Variants in JADE1 observed in about 807,000 individuals in gnomAD.
JADE1 encodes jade family PHD finger 1, also known as protein Jade-1.
In JADE1, 14 loss-of-function variants were observed where a neutral mutation model predicts 81.8. The ratio of observed to expected loss-of-function variants is 0.17; its 90% CI spans 0.11 to 0.27. JADE1 has a LOEUF of 0.27. Among genes scored for constraint, JADE1 ranks in the 10% least tolerant of loss-of-function variants. JADE1 has a pLI of 1.00. For missense variants in JADE1, 690 were observed against 1,047.9 expected, an observed-to-expected ratio of 0.66 and a Z score of 4.71; for synonymous variants, 353 against 391.9, an observed-to-expected ratio of 0.90 and a Z score of 1.17.
rs113154795 is a variant in JADE1, at chr4:128,861,698, T to C, written c.982-6T>C. ...TATTCTCATGTTCTTTGTGTGTTCT[T>C]GACAGTGCTCTGTGAAGAACTGCCG... On this transcript the variant is annotated splice_polypyrimidine_tract_variant and splice_region_variant and intron_variant, in intron 8 of 10. Coordinates refer to ENST00000226319, the MANE Select transcript of JADE1 (RefSeq NM_199320.4). 2.4e-3 allele frequency: 3,825 copies of C among 1,613,668 alleles called. 98 individuals are homozygous for C. In the Admixed American group the frequency reaches 0.035, roughly 15 times the overall value.
chr4:128,849,021 A>T lies in JADE1; in HGVS notation c.338A>T (p.Lys113Met). The change falls in exon 5 of 11, where the codon AAG becomes ATG. Residue 113 changes from lysine (K) to methionine (M), a missense_variant. Lys to Met is a moderately conservative substitution (Grantham distance 95). Around this residue, in one of 8 missense-constraint regions of JADE1, gnomAD observed 98 missense variants for 161.3 expected, o/e 0.61. Coordinates refer to ENST00000226319, the MANE Select transcript of JADE1 (RefSeq NM_199320.4). ...AAATCCCTCATGTTCATCAGGCCCA[A>T]GAAGTACATCGTGTCATCAGGCTCT... ...EEKSLMFIRP[K>M]KYIVSSGSEP... The T allele has an allele frequency of 1.2e-6, 2 of 1,614,100 alleles. No homozygotes were observed. Among genetic ancestry groups the T allele is most frequent in the Non-Finnish European group, 1.7e-6 (2 of 1,179,998 alleles).
intron 1 of JADE1, among the ~76,000 whole-genome samples, chr4:128,818,858 A>T (rs931901394): frequency 6.6e-6 from 1 of 152,032 alleles, no homozygotes; most frequent in Admixed American, 6.6e-5. Flanking sequence ...TGATTGGTTG[A>T]TTGATTGATT....
chr4:128,815,392 G>T (rs767889386), intron 1 of JADE1, among the ~76,000 whole-genome samples: 45 of 152,190 alleles, frequency 3.0e-4, no homozygotes, highest in Non-Finnish European at 8.8e-5. Context: ...GAGCCACCGT[G>T]CCCGGCAATC....
chr4:128,821,794 T>A (rs951342268), intron 1 of JADE1, among the ~76,000 whole-genome samples: 1 of 152,222 alleles, frequency 6.6e-6, no homozygotes, highest in Non-Finnish European at 1.5e-5. Flanking sequence ...AGTGCTGGGA[T>A]TACAGGCATG....
At chr4:128,812,808 G>A (rs1560716198) in intron 1 of JADE1, among the ~76,000 whole-genome samples, 1 of 152,390 alleles carries the variant, frequency 6.6e-6, no homozygotes, top group East Asian at 1.9e-4. Context: ...GGGGCGAGGG[G>A]CTGTCGCCCT....
intron 2 of JADE1, 45 bp from the exon 3 acceptor site, chr4:128,842,908 C>T (rs770923152): frequency 6.5e-7 from 1 of 1,545,362 alleles, no homozygotes; most frequent in Admixed American, 1.7e-5. Flanking sequence ...ACTCAGTGAC[C>T]CCTGCAATTT....
intron 1 of JADE1, among the ~76,000 whole-genome samples, chr4:128,813,053 C>G (rs905282946): frequency 2.6e-5 from 4 of 152,190 alleles, no homozygotes; most frequent in Non-Finnish European, 5.9e-5. Flanking sequence ...AAGGCTAATA[C>G]CTTTCAAAGC....
Position 128,862,034 on chromosome 4 carries a change from A to C in JADE1, c.1312A>C (p.Arg438=). 11 of 1,614,216 alleles carry C rather than the reference A, an allele frequency of 6.8e-6. No homozygotes were observed. The highest frequency in any genetic ancestry group is 9.3e-6 in the Non-Finnish European group (11 of 1,180,028). Residue 438 remains arginine (R), a synonymous_variant, in exon 9 of 11, where the codon AGG becomes CGG. Coordinates refer to ENST00000226319, the MANE Select transcript of JADE1 (RefSeq NM_199320.4). The part of the protein sequence containing the change: ...YTFVNLLDVA[R]ALRLPEEVVD... ...CTTCGTCAACCTGCTGGATGTTGCC[A>C]GGGCTCTGCGGCTGCCTGAGGAAGT...
At chr4:128,829,005 GGAGT>G (rs1397426661) in intron 1 of JADE1, among the ~76,000 whole-genome samples, 1 of 152,082 alleles carries the variant, frequency 6.6e-6, no homozygotes, top group Non-Finnish European at 1.5e-5. Flanking sequence ...GAAGCTGTTA[GGAGT>G]GAGTGGTCTT....
chr4:128,850,123 G>T (rs1013387423), intron 5 of JADE1, among the ~76,000 whole-genome samples: 1 of 151,978 alleles, frequency 6.6e-6, no homozygotes, highest in Non-Finnish European at 1.5e-5. Flanking sequence ...GTGAAACCCC[G>T]TCTCTACTAA....
chr4:128,853,468 T>G (rs1730536958), intron 6 of JADE1, among the ~76,000 whole-genome samples: 2 of 152,184 alleles, frequency 1.3e-5, no homozygotes, highest in African/African-American at 4.8e-5. Flanking sequence ...TTTTGGTGAT[T>G]GCTTGCTACC....
At chr4:128,834,481 G>A (rs548165317) in intron 2 of JADE1, among the ~76,000 whole-genome samples, 1 of 152,024 alleles carries the variant, frequency 6.6e-6, no homozygotes, top group South Asian at 2.1e-4. Context: ...ACGCATTTGG[G>A]GATGGGGGTA....
chr4:128,850,727 C>T (rs1322728876), intron 5 of JADE1, among the ~76,000 whole-genome samples: 2 of 152,184 alleles, frequency 1.3e-5, no homozygotes, highest in African/African-American at 2.4e-5. Context: ...CAGTGTAATA[C>T]ACTTGACTGG....
chr4:128,844,390 T>C (rs559180900), intron 3 of JADE1, among the ~76,000 whole-genome samples: 7 of 152,208 alleles, frequency 4.6e-5, no homozygotes, highest in Non-Finnish European at 8.8e-5. Context: ...ACTATATGTA[T>C]GGCACTAACA....
Position 128,809,738 on chromosome 4 carries a change from G to C in JADE1, c.-166G>C, listed in dbSNP as rs1282033950. 6.6e-6 allele frequency: 1 copy of C among 152,194 alleles called. No individual in the cohort carries two copies. The highest frequency in any genetic ancestry group is 2.4e-5 in the African/African-American group (1 of 41,440). 9.4% of individuals were successfully genotyped at this position (152,194 alleles called of 1,614,324 possible). A position where few individuals can be genotyped will look rare whatever the true frequency, so the allele number is the denominator to read the frequency against. On this transcript the variant is annotated 5_prime_UTR_variant, in exon 1 of 11. Coordinates refer to ENST00000226319, the MANE Select transcript of JADE1 (RefSeq NM_199320.4). ...CAAACGCCAGACCGAGAGTGCCTCC[G>C]TGCGCGAGTGCCCGGTGTGTGCGCG...
chr4:128,832,495 G>C (rs569731879), intron 2 of JADE1, among the ~76,000 whole-genome samples: 1 of 152,186 alleles, frequency 6.6e-6, no homozygotes, highest in African/African-American at 2.4e-5. Flanking sequence ...GCTCTAGCCC[G>C]TTAGCTTATG....
rs1732335654 is a variant in JADE1, at chr4:128,873,273, G to GAAAAAAAGAAAAAAAAAAAAAAAAA, written c.*1029_*1030insAAAAAAAAAAAAAAGAAAAAAAAAA. 1 of 78,660 alleles carries GAAAAAAAGAAAAAAAAAAAAAAAAA rather than the reference G, an allele frequency of 1.3e-5. No homozygotes were observed. Among genetic ancestry groups the GAAAAAAAGAAAAAAAAAAAAAAAAA allele is most frequent in the East Asian group, 3.2e-4 (1 of 3,098 alleles). The allele number at this position is 78,660 out of a possible 1,614,324, so 4.9% of individuals were successfully genotyped here. ...AGAAAAAGGAAAAAAAAAAAAAAAAGAAAAAAAGAAAAAAAAAAGAAAAAA... is the reference window on the plus strand; with the variant it reads ...AGAAAAAGGAAAAAAAAAAAAAAAAGAAAAAAAGAAAAAAAAAAAAAAAAAAAAAAAAGAAAAAAAAAAGAAAAAA... On this transcript the variant is annotated 3_prime_UTR_variant, in exon 11 of 11. Coordinates refer to ENST00000226319, the MANE Select transcript of JADE1 (RefSeq NM_199320.4).
intron 7 of JADE1, 111 bp downstream of exon 7, chr4:128,855,908 C>A: frequency 1.1e-6 from 1 of 894,302 alleles, no homozygotes; most frequent in Non-Finnish European, 1.6e-6. Context: ...CAGCCTTGAC[C>A]TGCTGGGCTC....
chr4:128,859,442 TGTATGCGC>T (rs1731109413), intron 8 of JADE1, among the ~76,000 whole-genome samples: 1 of 152,144 alleles, frequency 6.6e-6, no homozygotes, highest in African/African-American at 2.4e-5. Flanking sequence ...TATGCATGTG[TGTATGCGC>T]GTGAGTGCGT....
Sources: allele counts gnomAD v4.1 joint callset (sites outside exome capture counted in the v4.1 genomes callset), GRCh38; gene constraint gnomAD v4.1.1; regional missense constraint gnomAD v4.1.1; transcripts MANE v1.5; gene names NCBI Gene and HGNC (gene_info 2026-07-23, HGNC 2026-07-21).